Variants in PCDHGA5 observed in about 807,000 individuals in gnomAD.
PCDHGA5 encodes the protein protocadherin gamma subfamily A, 5, also known as protocadherin gamma-A5.
In PCDHGA5, 36 loss-of-function variants were observed where a neutral mutation model predicts 56.7. The observed-to-expected ratio is 0.64, with a 90% CI of 0.49 to 0.84. The LOEUF is 0.84. Ranked by LOEUF, PCDHGA5 falls within the 40% of genes least tolerant of loss-of-function variation. PCDHGA5 has a pLI of 0.00. For missense variants in PCDHGA5, 1,305 were observed against 1,201.5 expected, an observed-to-expected ratio of 1.09 and a Z score of -1.27; for synonymous variants, 563 against 520.2, an observed-to-expected ratio of 1.08 and a Z score of -1.12.
rs561359605 is a variant in PCDHGA5 at position 141,400,125 on chromosome 5, G to A, written c.2421+33374G>A. ...TGGTCTTTGCTGACAGCTTGCAGGA[G>A]GTGCTGCCGGATATCACTGACCGCC... On this transcript the variant is annotated intron_variant, in intron 1 of 3. Coordinates refer to ENST00000518069, the MANE Select transcript of PCDHGA5 (RefSeq NM_018918.3). The A allele has an allele frequency of 2.5e-4, 399 of 1,614,072 alleles. 3 individuals are homozygous for A. In the Admixed American group the frequency reaches 6.3e-3, roughly 26 times the overall value.
At chr5:141,419,259 C>T (rs765877993) in intron 1 of PCDHGA5, 2 of 1,613,900 alleles carry the variant, frequency 1.2e-6, no homozygotes, top group South Asian at 2.2e-5. Flanking sequence ...AACAACCAGC[C>T]GGGTGCCTCC....
intron 1 of PCDHGA5, among the ~76,000 whole-genome samples, chr5:141,380,043 G>A (rs1366839689): frequency 6.6e-6 from 1 of 151,834 alleles, no homozygotes; most frequent in Non-Finnish European, 1.5e-5. Context: ...GGGATTACAG[G>A]TGCATGCCAC....
At chr5:141,464,056 G>C (rs2154568334) in intron 1 of PCDHGA5, among the ~76,000 whole-genome samples, 1 of 152,210 alleles carries the variant, frequency 6.6e-6, no homozygotes, top group East Asian at 1.9e-4. Context: ...CCTGAGGTCA[G>C]GAGTTCAAGG....
chr5:141,408,958 T>A, intron 1 of PCDHGA5: 8 of 1,613,670 alleles, frequency 5.0e-6, no homozygotes, highest in Non-Finnish European at 6.8e-6. Flanking sequence ...TTAGTCTTAG[T>A]GAAAATCTGC....
At chr5:141,454,931 C>T (rs2154564856) in intron 1 of PCDHGA5, among the ~76,000 whole-genome samples, 2 of 151,066 alleles carry the variant, frequency 1.3e-5, no homozygotes, top group South Asian at 4.2e-4. Context: ...CCTCAGCCTC[C>T]CGAGTAGCTG....
intron 1 of PCDHGA5, chr5:141,423,311 T>G: frequency 2.5e-6 from 4 of 1,614,134 alleles, no homozygotes; most frequent in Non-Finnish European, 3.4e-6. Flanking sequence ...CTGTACTTGG[T>G]GGTGGCGGTG....
intron 1 of PCDHGA5, chr5:141,388,503 TC>T (rs1405490200): frequency 6.2e-7 from 1 of 1,613,782 alleles, no homozygotes; most frequent in Admixed American, 1.7e-5. Context: ...AAAGCAGAAA[TC>T]CTACCACTTG....
intron 1 of PCDHGA5, chr5:141,399,822 C>T (rs755182775): frequency 1.2e-6 from 2 of 1,613,084 alleles, no homozygotes; most frequent in Admixed American, 3.3e-5. Context: ...CGCTGGGTCC[C>T]GACGGCTCTG....
At chr5:141,467,361 G>T (rs555435172) in intron 1 of PCDHGA5, among the ~76,000 whole-genome samples, 2 of 151,742 alleles carry the variant, frequency 1.3e-5, no homozygotes, top group Non-Finnish European at 2.9e-5. Flanking sequence ...CCAAATCAAC[G>T]TTTTCTTATA....
chr5:141,440,393 G>A (rs1444541990), intron 1 of PCDHGA5: 1 of 152,180 alleles, frequency 6.6e-6, no homozygotes, highest in Admixed American at 6.5e-5. Flanking sequence ...TTGAACCCGA[G>A]AGGCAATCGC....
At chr5:141,427,327 C>T (rs2097016376) in intron 1 of PCDHGA5, 1 of 457,028 alleles carries the variant, frequency 2.2e-6, no homozygotes, top group African/African-American at 2.0e-5. Flanking sequence ...GTGGTTTTTA[C>T]TTCAGTGTCC....
chr5:141,473,647 C>T (rs2099326149), intron 1 of PCDHGA5, among the ~76,000 whole-genome samples: 1 of 152,172 alleles, frequency 6.6e-6, no homozygotes, highest in Non-Finnish European at 1.5e-5. Flanking sequence ...GGCAAAGGAA[C>T]AATTTGTGTG....
chr5:141,392,878 C>G, intron 1 of PCDHGA5: 2 of 1,613,474 alleles, frequency 1.2e-6, no homozygotes, highest in Non-Finnish European at 1.7e-6. Context: ...CTGCTGGGAA[C>G]GCTGTGGGAA....
At chr5:141,422,465 G>A in intron 1 of PCDHGA5, 1 of 1,613,508 alleles carries the variant, frequency 6.2e-7, no homozygotes, top group Non-Finnish European at 8.5e-7. Flanking sequence ...GTGCTGGACA[G>A]GGAGTTGGTC....
At chr5:141,451,673 G>A (rs912482749) in intron 1 of PCDHGA5, among the ~76,000 whole-genome samples, 4 of 152,164 alleles carry the variant, frequency 2.6e-5, no homozygotes, top group African/African-American at 7.2e-5. Context: ...CTTGAGCCCA[G>A]GAGTTCAAGA....
In PCDHGA5 at chr5:141,486,049, C is replaced by T. The variant is rs766853468; in HGVS notation, c.2422-8758C>T. 1 of 1,614,206 alleles carries T rather than the reference C, an allele frequency of 6.2e-7. No homozygotes were observed. The highest frequency in any genetic ancestry group is 8.5e-7 in the Non-Finnish European group (1 of 1,180,034). ...ATACCCCTGATCGTGTAAGAAACCT[C>T]TTTAGCCTGCACCCCACTACTGGAA... On this transcript the variant is annotated intron_variant, in intron 1 of 3. Transcript: ENST00000518069. The surrounding 1 kb of genome is among the most constrained non-coding windows in gnomAD (Gnocchi z 5.0).
chr5:141,415,588 A>G lies in PCDHGA5; in HGVS notation c.2421+48837A>G, dbSNP rs769216282. 3.3e-5 allele frequency: 53 copies of G among 1,613,874 alleles called. No individual in the cohort carries two copies. Among genetic ancestry groups the G allele is most frequent in the Admixed American group, 3.3e-5 (2 of 59,998 alleles). ...TTTGTTAGATGATTCGAAGTTTCCT[A>G]TAGAGGATACCCCATTGGTTCCAGT... On this transcript the variant is annotated intron_variant, in intron 1 of 3. Transcript: ENST00000518069.
intron 1 of PCDHGA5, chr5:141,428,062 A>G: frequency 6.2e-7 from 1 of 1,609,084 alleles, no homozygotes; most frequent in African/African-American, 1.3e-5. Flanking sequence ...GTGGCGGTGG[A>G]CGCAGATTCG....
At chr5:141,383,656 G>A in intron 1 of PCDHGA5, 1 of 1,614,008 alleles carries the variant, frequency 6.2e-7, no homozygotes, top group South Asian at 1.1e-5. Context: ...AACTGTCCCC[G>A]AGAATGTGCC....
Sources: allele counts gnomAD v4.1 joint callset (sites outside exome capture counted in the v4.1 genomes callset), GRCh38; gene constraint gnomAD v4.1.1; non-coding constraint Gnocchi (gnomAD v3.1); transcripts MANE v1.5; gene names NCBI Gene and HGNC (gene_info 2026-07-23, HGNC 2026-07-21).